SUMF2: variants seen among roughly 807,000 people sequenced by gnomAD.
SUMF2 encodes the protein inactive C-alpha-formylglycine-generating enzyme 2.
A neutral mutation model predicts 44.8 loss-of-function variants in SUMF2; 45 were observed. That is an observed-to-expected ratio of 1.00 (90% CI 0.79 to 1.29). The LOEUF (loss-of-function observed/expected upper bound fraction) is 1.29. Among genes scored for constraint, SUMF2 ranks in the 50% most tolerant of loss-of-function variants. The pLI is 0.00. For synonymous variants in SUMF2, 148 were observed against 150.4 expected, an observed-to-expected ratio of 0.98 and a Z score of 0.12; for missense variants, 418 against 389.9, an observed-to-expected ratio of 1.07 and a Z score of -0.61.
intron 8 of SUMF2, chr7:56,079,128 C>T (rs1441862096): frequency 2.1e-6 from 1 of 476,456 alleles, no homozygotes; most frequent in Non-Finnish European, 3.7e-6. Context: ...CCCGCCTTGG[C>T]CTCCCAGAAT....
At chr7:56,083,269 T>C (rs1165389896), downstream of SUMF2, 1 of 1,613,660 alleles carries the variant, frequency 6.2e-7, no homozygotes, top group Non-Finnish European at 8.5e-7. Context: ...CAAGGCCATG[T>C]TACCAGACCT....
Position 56,078,508 on chromosome 7 carries a change from G to C in SUMF2, c.821G>C (p.Arg274Thr). The change falls in exon 8 of 9, where the codon AGG becomes ACG. Residue 274 changes from arginine to threonine, a missense_variant and splice_region_variant. Transcript: ENST00000434526. ...AATCACCGGGCCCGGGTCACCACCA[G>C]GTAAGGGGCTTGGTCCCAGGCAACA... ...SANHRARVTT[R>T]MGNTPDSASD... 1 of 1,563,554 alleles carries C rather than the reference G, an allele frequency of 6.4e-7. No homozygotes were observed. The highest frequency in any genetic ancestry group is 2.3e-5 in the East Asian group (1 of 44,336).
chr7:56,064,430 T>G, intron 1 of SUMF2, 52 bp downstream of exon 1: 2 of 1,558,170 alleles, frequency 1.3e-6, no homozygotes, highest in Non-Finnish European at 1.7e-6. Context: ...GATGGGGCGC[T>G]CCGCCCTGAC....
At chr7:56,077,351 C>T (rs1479335018) in intron 6 of SUMF2, among the ~76,000 whole-genome samples, 10 of 148,138 alleles carry the variant, frequency 6.8e-5, no homozygotes, top group African/African-American at 1.5e-4. Context: ...GCCCAGCCAG[C>T]GTAAGTACTT....
intron 2 of SUMF2, among the ~76,000 whole-genome samples, chr7:56,070,065 C>T (rs1178357074): frequency 2.0e-5 from 3 of 151,956 alleles, no homozygotes; most frequent in Non-Finnish European, 4.4e-5. Flanking sequence ...TGCACCACCA[C>T]GCCCAGCTAT....
rs764829722 is a variant in SUMF2 at position 56,074,700 on chromosome 7, G to T, written c.499G>T (p.Glu167Ter). The T allele has an allele frequency of 6.2e-7, 1 of 1,614,186 alleles. No homozygotes were observed. Among genetic ancestry groups the T allele is most frequent in the Admixed American group, 1.7e-5 (1 of 60,004 alleles). The change falls in exon 5 of 9, where the codon GAA becomes TAA. Residue 167 changes from glutamate (E) to a stop codon, truncating the protein, a stop_gained. Transcript: ENST00000434526. LOFTEE classifies it high-confidence loss of function. ...AWRGKRLPTE[E>*]EWEFAARGGL... ...GCGGGGAAAACGACTGCCCACGGAG[G>T]AAGAGTGGGAGTTTGCCGCCCGAGG...
downstream of SUMF2, chr7:56,080,701 A>G (rs544468585): frequency 9.7e-6 from 3 of 308,666 alleles, no homozygotes; most frequent in Non-Finnish European, 1.8e-5. Flanking sequence ...TCACCCTGTG[A>G]CCCTAAGGGA....
chr7:56,066,535 C>A (rs1432478044), intron 1 of SUMF2, among the ~76,000 whole-genome samples: 2 of 152,092 alleles, frequency 1.3e-5, no homozygotes, highest in Non-Finnish European at 2.9e-5. Context: ...CAACCTCCGC[C>A]CCCCCAGGTT....
intron 8 of SUMF2, chr7:56,078,902 C>T (rs1795768345): frequency 2.5e-6 from 1 of 393,900 alleles, no homozygotes; most frequent in South Asian, 4.8e-5. Context: ...CACGAAAAAT[C>T]TTTTTTTTTT....
chr7:56,083,938 C>T (rs1305710597), downstream of SUMF2, among the ~76,000 whole-genome samples: 1 of 152,190 alleles, frequency 6.6e-6, no homozygotes, highest in Non-Finnish European at 1.5e-5. Context: ...ATCAGGGGCT[C>T]AGGCTCTCAT....
rs766854025 is a variant in SUMF2, at chr7:56,064,308, C to T, written c.-4C>T. 10 of 1,589,210 alleles carry T rather than the reference C, an allele frequency of 6.3e-6. No homozygotes were observed. The highest frequency in any genetic ancestry group is 3.6e-5 in the Admixed American group (2 of 55,846). On this transcript the variant is annotated 5_prime_UTR_variant, in exon 1 of 9. Coordinates refer to ENST00000434526, the MANE Select transcript of SUMF2 (RefSeq NM_015411.4). ...GGTGTACGCGGCGCAGCGCGGCAGT[C>T]CTGATGGCCCGGCATGGGTTACCGC...
At position 56,078,012 on chromosome 7, in the gene SUMF2, A is replaced by G; in HGVS notation, c.592-90A>G. 7.1e-6 allele frequency: 8 copies of G among 1,132,428 alleles called. No individual in the cohort carries two copies. In the South Asian group the frequency reaches 8.7e-5, roughly 12 times the overall value. 70.1% of individuals were successfully genotyped at this position (1,132,428 alleles called of 1,614,324 possible). On this transcript the variant is annotated intron_variant, in intron 6 of 8. Coordinates refer to ENST00000434526, the MANE Select transcript of SUMF2 (RefSeq NM_015411.4). Reference sequence around the variant, plus strand: ...GCCCTTCCCCTTCCCCAGATGCAACAGCAAGACGACCTTGGTTTTCCTCTG... The same window carrying G: ...GCCCTTCCCCTTCCCCAGATGCAACGGCAAGACGACCTTGGTTTTCCTCTG...
chr7:56,080,583 CA>C lies in SUMF2; in HGVS notation c.*976del. 5.7e-6 allele frequency: 1 copy of C among 176,564 alleles called. No individual in the cohort carries two copies. Among genetic ancestry groups the C allele is most frequent in the Non-Finnish European group, 1.2e-5 (1 of 82,886 alleles). 10.9% of individuals were successfully genotyped at this position (176,564 alleles called of 1,614,324 possible). A position where few individuals can be genotyped will look rare whatever the true frequency, so the allele number is the denominator to read the frequency against. Reference sequence around the variant, plus strand: ...CTGGGCCCCCTTCTCCATATGCCTCCAAAAACATGTCCCTGGAGAGTAGCCT... The same window carrying C: ...CTGGGCCCCCTTCTCCATATGCCTCCAAAACATGTCCCTGGAGAGTAGCCT... On this transcript the variant is annotated 3_prime_UTR_variant, in exon 9 of 9. Coordinates refer to ENST00000434526, the MANE Select transcript of SUMF2 (RefSeq NM_015411.4).
At chr7:56,087,848 G>A in the SUMF2 span, 1 of 1,231,854 alleles carries the variant, frequency 8.1e-7, no homozygotes, top group East Asian at 2.3e-5. Flanking sequence ...AGAGGCTGCA[G>A]CAGAGATGTC....
chr7:56,083,777 T>C, downstream of SUMF2: 1 of 1,179,388 alleles, frequency 8.5e-7, no homozygotes, highest in Non-Finnish European at 1.2e-6. Context: ...CTTACCCTGC[T>C]CCCAGAGAGC....
In SUMF2 at chr7:56,079,886, C is replaced by G. The variant is rs1314271371; in HGVS notation, c.*274C>G. On this transcript the variant is annotated 3_prime_UTR_variant, in exon 9 of 9. Transcript: ENST00000434526. The stretch of plus-strand genomic sequence containing the variant: ...AGTATTATTGACACAGGATTGCAAA[C>G]ACACAAACAATTGGAACAGAGCACT... 4 of 1,529,782 alleles carry G rather than the reference C, an allele frequency of 2.6e-6. No homozygotes were observed. The South Asian group carries it at 4.9e-5, about 19-fold the overall frequency. The allele number at this position is 1,529,782 out of a possible 1,614,324, so 94.8% of individuals were successfully genotyped here. A position where few individuals can be genotyped will look rare whatever the true frequency, so the allele number is the denominator to read the frequency against.
At chr7:56,087,194 T>TTTATTATTA in the SUMF2 span, among the ~76,000 whole-genome samples, 279 of 136,080 alleles carry the variant, frequency 2.1e-3, 1 homozygote, top group Admixed American at 3.5e-3. Context: ...GCCCAGGGAC[T>TTTATTATTA]TTATTATTAT....
At position 56,078,469 on chromosome 7, in the gene SUMF2, C is replaced by G. The variant is rs748102128; in HGVS notation, c.782C>G (p.Ala261Gly). 1.3e-6 allele frequency: 2 copies of G among 1,598,042 alleles called. No homozygotes were observed. The highest frequency in any genetic ancestry group is 3.5e-5 in the Admixed American group (2 of 57,800). Residue 261 changes from alanine (A) to glycine (G), a missense_variant, in exon 8 of 9, where the codon GCT (alanine) becomes GGT (glycine). Physicochemically the swap from Ala to Gly is moderately conservative, Grantham distance 60. Transcript: ENST00000434526. ...VLRGASWIDT[A>G]DGSANHRARV... ...CGGGGGGCATCCTGGATCGACACAG[C>G]TGATGGCTCTGCCAATCACCGGGCC...
At chr7:56,081,529 G>C, downstream of SUMF2, 1 of 1,401,684 alleles carries the variant, frequency 7.1e-7, no homozygotes, top group Non-Finnish European at 9.9e-7. The surrounding 1 kb of genome is among the most constrained non-coding windows in gnomAD (Gnocchi z 4.6). Flanking sequence ...GGAGGGATGG[G>C]TACTCTGGAA....
Sources: gnomAD v4.1 joint callset for allele counts (sites outside exome capture counted in the v4.1 genomes callset) on GRCh38, gnomAD v4.1.1 for gene constraint, Gnocchi (gnomAD v3.1) non-coding constraint, MANE v1.5 for transcripts, NCBI Gene and HGNC (gene_info 2026-07-23, HGNC 2026-07-21) for gene names.